CPVL: variants seen among roughly 807,000 people sequenced by gnomAD.
The protein encoded by CPVL is carboxypeptidase vitellogenic like.
A neutral mutation model predicts 63.7 loss-of-function variants in CPVL; 51 were observed. The ratio of observed to expected loss-of-function variants is 0.80; its 90% CI spans 0.64 to 1.01. The LOEUF is 1.01. Among genes scored for constraint, CPVL ranks in the 50% least tolerant of loss-of-function variants. The pLI, the probability that CPVL is intolerant of heterozygous loss-of-function variation, is 0.00. For missense variants in CPVL, 530 were observed against 573.1 expected, an observed-to-expected ratio of 0.92 and a Z score of 0.77; for synonymous variants, 195 against 206.0, an observed-to-expected ratio of 0.95 and a Z score of 0.46.
intron 5 of CPVL, among the ~76,000 whole-genome samples, chr7:29,175,116 C>T (rs1443312024): frequency 2.0e-5 from 3 of 151,892 alleles, no homozygotes; most frequent in Admixed American, 1.3e-4. Flanking sequence ...GAGTGCTTCC[C>T]CCATACTGTT....
chr7:29,112,240 G>A (rs1008786719), intron 3 of CPVL, among the ~76,000 whole-genome samples: 6 of 152,142 alleles, frequency 3.9e-5, no homozygotes, highest in African/African-American at 1.4e-4. Context: ...GGTACTGAGT[G>A]CATGAAGGAG....
At chr7:29,098,598 C>CT (rs1346320596) in intron 3 of CPVL, among the ~76,000 whole-genome samples, 1 of 152,222 alleles carries the variant, frequency 6.6e-6, no homozygotes, top group Admixed American at 6.5e-5. Context: ...ACTGAGGCCT[C>CT]TGATGAGCAG....
At chr7:29,067,126 G>C (rs1331248283) in intron 9 of CPVL, among the ~76,000 whole-genome samples, 1 of 152,156 alleles carries the variant, frequency 6.6e-6, no homozygotes, top group East Asian at 1.9e-4. Context: ...AAAGATGTTT[G>C]AATGTGTGAT....
intron 11 of CPVL, among the ~76,000 whole-genome samples, chr7:29,063,336 T>C (rs1447959913): frequency 6.6e-6 from 1 of 152,196 alleles, no homozygotes; most frequent in Non-Finnish European, 1.5e-5. Context: ...AGTGAATGAA[T>C]ACAACCATTA....
chr7:29,069,769 AATGTGTGTGTGTGT>A lies in CPVL; in HGVS notation c.864+1990_864+2003del, dbSNP rs1467384159. ...TCGGCATCCTCTCCACTCACCAGTA[AATGTGTGTGTGTGT>A]GTGTGTGTGTGTGTGTGTGTGTGTG... On this transcript the variant is annotated intron_variant, in intron 9 of 12. Coordinates refer to ENST00000265394, the MANE Select transcript of CPVL (RefSeq NM_031311.5). Among the ~76,000 whole-genome samples the A allele has an allele frequency of 4.1e-3, 476 of 114,764 alleles. 1 individual carries two copies. The highest frequency in any genetic ancestry group is 0.012 in the South Asian group (37 of 3,148). The allele number at this position is 114,764 out of a possible 152,430, so 75.3% of individuals were successfully genotyped here. A position where few individuals can be genotyped will look rare whatever the true frequency, so the allele number is the denominator to read the frequency against.
chr7:29,004,195 T>C (rs1057123701), intron 12 of CPVL, among the ~76,000 whole-genome samples: 13 of 152,082 alleles, frequency 8.5e-5, no homozygotes, highest in African/African-American at 2.9e-4. Context: ...AAATAATAGA[T>C]TGAATAAAAG....
intron 11 of CPVL, among the ~76,000 whole-genome samples, chr7:29,034,110 T>A (rs1379945752): frequency 2.6e-5 from 4 of 152,176 alleles, no homozygotes; most frequent in South Asian, 4.1e-4. Context: ...ATCCTTTTTT[T>A]AAATTTTTTT....
upstream of CPVL, among the ~76,000 whole-genome samples, chr7:29,147,681 A>C (rs1792949688): frequency 6.6e-6 from 1 of 152,204 alleles, no homozygotes; most frequent in African/African-American, 2.4e-5. Context: ...TAGCTCTTTA[A>C]GGAGAAAAAT....
intron 5 of CPVL, among the ~76,000 whole-genome samples, chr7:29,165,822 A>G (rs1405610488): frequency 6.6e-6 from 1 of 152,138 alleles, no homozygotes; most frequent in Non-Finnish European, 1.5e-5. Flanking sequence ...TTTTAAGTGT[A>G]TTAATATGGT....
intron 1 of CPVL, among the ~76,000 whole-genome samples, chr7:29,188,705 A>G (rs1207515071): frequency 6.6e-6 from 1 of 152,166 alleles, no homozygotes; most frequent in Non-Finnish European, 1.5e-5. Flanking sequence ...GGATAAGAAA[A>G]TGCCAGCTGT....
intron 5 of CPVL, among the ~76,000 whole-genome samples, chr7:29,174,814 T>C (rs189072494): frequency 6.6e-6 from 1 of 150,392 alleles, no homozygotes; most frequent in African/African-American, 2.5e-5. Flanking sequence ...GAGCCAAGAT[T>C]GTGCCATCGC....
rs1792663735 is a variant in CPVL at position 29,146,431 on chromosome 7, G to C, written c.-13C>G. 8.4e-7 allele frequency: 1 copy of C among 1,184,540 alleles called. No homozygotes were observed. Among genetic ancestry groups the C allele is most frequent in the Non-Finnish European group, 1.1e-6 (1 of 873,848 alleles). 73.4% of individuals were successfully genotyped at this position (1,184,540 alleles called of 1,614,324 possible). ...CACGCAGGGCAGGCGGCACTTACGC[G>C]GCGCAGTCGGTGCTCCTCCCTGAGC... On this transcript the variant is annotated splice_region_variant and 5_prime_UTR_variant, in exon 1 of 13. Transcript: ENST00000265394.
chr7:29,157,756 C>T (rs552108018), intron 5 of CPVL, among the ~76,000 whole-genome samples: 9 of 152,094 alleles, frequency 5.9e-5, no homozygotes, highest in Non-Finnish European at 1.2e-4. Flanking sequence ...TAACACTAAA[C>T]TCATTTTTCT....
chr7:28,997,572 C>T (rs1784207809), intron 12 of CPVL, among the ~76,000 whole-genome samples: 2 of 152,206 alleles, frequency 1.3e-5, no homozygotes, highest in South Asian at 4.1e-4. Context: ...GAGCACCATT[C>T]ACATGAGCAT....
chr7:29,042,849 G>C (rs1396095087), intron 11 of CPVL, among the ~76,000 whole-genome samples: 1 of 152,206 alleles, frequency 6.6e-6, no homozygotes, highest in East Asian at 1.9e-4. Flanking sequence ...GAGATGCTCA[G>C]AAGCTCTCAA....
chr7:29,153,965 T>C (rs537724030), intron 5 of CPVL, among the ~76,000 whole-genome samples: 1 of 152,288 alleles, frequency 6.6e-6, no homozygotes, highest in East Asian at 1.9e-4. Flanking sequence ...AATATATTAA[T>C]TGTTATGTTA....
Position 29,105,111 on chromosome 7 carries a change from T to C in CPVL, c.288+7593A>G, listed in dbSNP as rs1008717379. ...ATCTTTGTTGCACTGCTGGTGGATT[T>C]GTATCCACCTGTGTTAGATACATTT... On this transcript the variant is annotated intron_variant, in intron 3 of 12. Transcript: ENST00000265394. Among the ~76,000 whole-genome samples, 3 of 152,366 alleles carry C rather than the reference T, an allele frequency of 2.0e-5. No individual in the cohort carries two copies. In the South Asian group the frequency reaches 6.2e-4, roughly 32 times the overall value.
chr7:29,040,726 A>T (rs887113349), intron 11 of CPVL, among the ~76,000 whole-genome samples: 1 of 152,196 alleles, frequency 6.6e-6, no homozygotes, highest in African/African-American at 2.4e-5. Context: ...AGATGAATAA[A>T]GAAGAATGGA....
intron 3 of CPVL, among the ~76,000 whole-genome samples, chr7:29,103,672 C>A (rs73684593): frequency 6.6e-6 from 1 of 152,108 alleles, no homozygotes; most frequent in Non-Finnish European, 1.5e-5. Flanking sequence ...CAGGCATCTG[C>A]CAATCTTCAG....
Sources: gnomAD v4.1 joint callset for allele counts (sites outside exome capture counted in the v4.1 genomes callset) on GRCh38, gnomAD v4.1.1 for gene constraint, MANE v1.5 for transcripts, NCBI Gene and HGNC (gene_info 2026-07-23, HGNC 2026-07-21) for gene names.